The following TTC23 variants were observed in gnomAD, a reference collection of about 807,000 sequenced individuals.
The protein encoded by TTC23 is tetratricopeptide repeat protein 23.
Under a neutral mutation model 55.1 loss-of-function variants are expected in TTC23, and 58 were observed. The observed-to-expected ratio is 1.05, with a 90% CI of 0.85 to 1.31. TTC23 has a LOEUF of 1.31. Among genes scored for constraint, TTC23 ranks in the 50% most tolerant of loss-of-function variants. The probability of loss-of-function intolerance (pLI) is 0.00; values close to 1 mark genes in which losing one functional copy is unlikely to be tolerated. For synonymous variants in TTC23, 203 were observed against 199.9 expected (o/e 1.02, Z -0.13); for missense variants, 516 against 534.4 (o/e 0.97, Z 0.34).
intron 9 of TTC23, among the ~76,000 whole-genome samples, chr15:99,190,821 G>A (rs967936914): frequency 5.9e-5 from 9 of 151,720 alleles, no homozygotes; most frequent in East Asian, 5.9e-4. Context: ...GTGCAGTGGC[G>A]TCCAGGTTGG....
chr15:99,153,475 C>G (rs1249875583), intron 12 of TTC23, among the ~76,000 whole-genome samples: 1 of 152,134 alleles, frequency 6.6e-6, no homozygotes, highest in Non-Finnish European at 1.5e-5. Flanking sequence ...GAGAAAAATA[C>G]TCGATTTATA....
chr15:99,196,872 C>T (rs189038144), intron 9 of TTC23, among the ~76,000 whole-genome samples: 65 of 152,310 alleles, frequency 4.3e-4, no homozygotes, highest in African/African-American at 1.5e-3. Context: ...TCAACACCTA[C>T]CTAAAAGATA....
chr15:99,187,244 T>C (rs930866820), intron 9 of TTC23, among the ~76,000 whole-genome samples: 2 of 151,558 alleles, frequency 1.3e-5, no homozygotes, highest in African/African-American at 4.8e-5. Flanking sequence ...GCTAGGACAA[T>C]TGGATAGCCA....
intron 3 of TTC23, among the ~76,000 whole-genome samples, chr15:99,240,946 T>C (rs2079734545): frequency 6.6e-6 from 1 of 152,170 alleles, no homozygotes; most frequent in African/African-American, 2.4e-5. Context: ...TCTAGAGGCA[T>C]TTGAGTCTGT....
chr15:99,228,281 T>C, intron 5 of TTC23: 1 of 317,388 alleles, frequency 3.2e-6, no homozygotes. Flanking sequence ...GCTTTGTTTG[T>C]GTTGTATCCC....
chr15:99,245,366 T>C (rs576491552), intron 2 of TTC23, 23 bp downstream of exon 2: 3 of 152,154 alleles, frequency 2.0e-5, no homozygotes, highest in Admixed American at 2.0e-4. Flanking sequence ...ACAAAAAATT[T>C]AGCCAGATTT....
chr15:99,198,542 C>G (rs2075936906), intron 9 of TTC23, among the ~76,000 whole-genome samples: 1 of 152,214 alleles, frequency 6.6e-6, no homozygotes, highest in Non-Finnish European at 1.5e-5. Context: ...TTGGCACAAC[C>G]TCCCCAATCC....
intron 5 of TTC23, 48 bp downstream of exon 5, chr15:99,228,485 T>C (rs985515409): frequency 2.0e-6 from 3 of 1,504,094 alleles, no homozygotes; most frequent in African/African-American, 2.8e-5. Context: ...GATTATACCA[T>C]ATAGCTCAAT....
chr15:99,178,351 G>A (rs1255133678), intron 9 of TTC23, among the ~76,000 whole-genome samples: 1 of 152,136 alleles, frequency 6.6e-6, no homozygotes, highest in East Asian at 1.9e-4. Context: ...TGATGTTCAT[G>A]AAGCTTTTAT....
intron 8 of TTC23, among the ~76,000 whole-genome samples, chr15:99,209,025 G>A (rs2076839044): frequency 6.6e-6 from 1 of 152,196 alleles, no homozygotes; most frequent in Admixed American, 6.5e-5. Flanking sequence ...GTGGCAGTAT[G>A]TTAATTTGGC....
At chr15:99,174,428 T>C (rs1270280479) in intron 10 of TTC23, among the ~76,000 whole-genome samples, 3 of 151,680 alleles carry the variant, frequency 2.0e-5, no homozygotes, top group Non-Finnish European at 4.4e-5. Flanking sequence ...TAGGTCTTCT[T>C]TATGAATTGT....
At chr15:99,245,348 C>T (rs1235154442) in intron 2 of TTC23, 41 bp downstream of exon 2, 1 of 152,002 alleles carries the variant, frequency 6.6e-6, no homozygotes, top group Non-Finnish European at 1.5e-5. Flanking sequence ...GCTGTCTCTA[C>T]TAGAAATACA....
At chr15:99,219,192 A>G (rs759785620) in intron 6 of TTC23, 144 bp from the exon 7 acceptor site, 6 of 845,786 alleles carry the variant, frequency 7.1e-6, no homozygotes, top group Non-Finnish European at 1.1e-5. Context: ...AGCATGAAAC[A>G]CTGCCATGAC....
intron 5 of TTC23, among the ~76,000 whole-genome samples, chr15:99,226,673 G>A (rs568697132): frequency 1.7e-4 from 26 of 152,114 alleles, no homozygotes; most frequent in South Asian, 1.5e-3. Flanking sequence ...TCCTGCTTGT[G>A]CCTACCCTGT....
chr15:99,222,112 GA>G (rs1308236685), intron 5 of TTC23, among the ~76,000 whole-genome samples: 1 of 151,946 alleles, frequency 6.6e-6, no homozygotes, highest in East Asian at 1.9e-4. Context: ...ATTTAAGGGT[GA>G]AAAAAAGAAA....
intron 12 of TTC23, among the ~76,000 whole-genome samples, chr15:99,141,210 A>G (rs1555490251): frequency 6.6e-6 from 1 of 152,164 alleles, no homozygotes; most frequent in African/African-American, 2.4e-5. Context: ...ATATGTATAT[A>G]TTATATATGT....
chr15:99,166,638 G>C (rs867287008), intron 10 of TTC23, among the ~76,000 whole-genome samples: 13 of 152,228 alleles, frequency 8.5e-5, no homozygotes, highest in African/African-American at 3.1e-4. Flanking sequence ...GATGGGCCCT[G>C]CCTGGGAATC....
At chr15:99,204,117 G>A (rs548102003) in intron 8 of TTC23, among the ~76,000 whole-genome samples, 2 of 152,256 alleles carry the variant, frequency 1.3e-5, no homozygotes, top group East Asian at 3.9e-4. Context: ...CACCAACAGT[G>A]TATGAGTGTC....
chr15:99,227,028 T>C (rs1330714686), intron 5 of TTC23, among the ~76,000 whole-genome samples: 3 of 152,228 alleles, frequency 2.0e-5, no homozygotes, highest in Admixed American at 1.3e-4. Context: ...TTACATTTGT[T>C]AAATGCCTTT....
Sources: allele counts gnomAD v4.1 joint callset (sites outside exome capture counted in the v4.1 genomes callset), GRCh38; gene constraint gnomAD v4.1.1; transcripts MANE v1.5; gene names NCBI Gene and HGNC (gene_info 2026-07-23, HGNC 2026-07-21).